Variants in RBFOX1 observed in about 807,000 individuals in gnomAD.
The protein encoded by RBFOX1 is RNA binding protein fox-1 homolog 1.
Under a neutral mutation model 57.7 loss-of-function variants are expected in RBFOX1, and 8 were observed. The ratio of observed to expected loss-of-function variants is 0.14; its 90% CI spans 0.08 to 0.25. The LOEUF (loss-of-function observed/expected upper bound fraction) is 0.25, where lower values mean the gene tolerates loss of function less well. Among genes scored for constraint, RBFOX1 ranks in the 10% least tolerant of loss-of-function variants. The pLI, the probability that RBFOX1 is intolerant of heterozygous loss-of-function variation, is 1.00. For missense variants in RBFOX1, 611 were observed against 548.5 expected (o/e 1.11, Z -1.14); for synonymous variants, 326 against 222.4 (o/e 1.47, Z -4.15).
At chr16:6,881,477 T>C (rs780759717) in intron 3 of RBFOX1, among the ~76,000 whole-genome samples, 6 of 152,094 alleles carry the variant, frequency 3.9e-5, no homozygotes, top group Non-Finnish European at 7.4e-5. Flanking sequence ...CCGTGGCTTG[T>C]AGAGGGTCAG....
intron 3 of RBFOX1, among the ~76,000 whole-genome samples, chr16:5,818,265 C>G (rs6500727): frequency 0.67 from 102,521 of 151,994 alleles, 34,774 homozygotes; most frequent in South Asian, 0.7. Flanking sequence ...GCATATGAGG[C>G]AATGGACTGA....
chr16:6,492,677 G>T (rs1187600849), intron 2 of RBFOX1, among the ~76,000 whole-genome samples: 1 of 152,184 alleles, frequency 6.6e-6, no homozygotes, highest in Non-Finnish European at 1.5e-5. Context: ...ATGCAGCTTG[G>T]TTCACTGCCG....
chr16:6,356,788 G>A (rs920448035), intron 2 of RBFOX1, among the ~76,000 whole-genome samples: 3 of 152,098 alleles, frequency 2.0e-5, no homozygotes, highest in African/African-American at 7.2e-5. Flanking sequence ...TGTCAATATC[G>A]GTTTATTAAT....
At chr16:5,977,506 C>T (rs770656747) in intron 4 of RBFOX1, among the ~76,000 whole-genome samples, 114 of 152,186 alleles carry the variant, frequency 7.5e-4, no homozygotes, top group Non-Finnish European at 8.5e-4. Flanking sequence ...CCAAGTCGCT[C>T]TGGAGAGAGC....
intron 3 of RBFOX1, among the ~76,000 whole-genome samples, chr16:7,008,036 AT>A (rs1260179821): frequency 3.9e-5 from 6 of 152,184 alleles, no homozygotes; most frequent in Non-Finnish European, 8.8e-5. Flanking sequence ...CCAACTTAGC[AT>A]TATCTATATT....
chr16:6,973,082 G>C (rs559695883), intron 3 of RBFOX1, among the ~76,000 whole-genome samples: 18 of 151,868 alleles, frequency 1.2e-4, no homozygotes, highest in Non-Finnish European at 2.1e-4. Context: ...AGTGAGCTGA[G>C]ATTGCACTAC....
At chr16:7,456,339 G>A (rs182503171) in intron 4 of RBFOX1, among the ~76,000 whole-genome samples, 51 of 152,266 alleles carry the variant, frequency 3.3e-4, no homozygotes, top group Non-Finnish European at 1.5e-5. Context: ...ATTGTGAAGT[G>A]AATCACCTTT....
At chr16:6,420,987 G>A (rs1355898251) in intron 2 of RBFOX1, among the ~76,000 whole-genome samples, 1 of 152,286 alleles carries the variant, frequency 6.6e-6, no homozygotes, top group Middle Eastern at 3.4e-3. Context: ...TTGTTGCAGC[G>A]TGAACATCTC....
intron 3 of RBFOX1, among the ~76,000 whole-genome samples, chr16:6,962,438 T>TTACATATA (rs1447384411): frequency 6.6e-6 from 1 of 152,164 alleles, no homozygotes; most frequent in Non-Finnish European, 1.5e-5. Flanking sequence ...ACTTTTTCTG[T>TTACATATA]TACATATATG....
intron 3 of RBFOX1, among the ~76,000 whole-genome samples, chr16:6,921,837 A>G (rs2074526795): frequency 6.6e-6 from 1 of 152,050 alleles, no homozygotes; most frequent in Non-Finnish European, 1.5e-5. Flanking sequence ...CTTCTGCTGC[A>G]TTCTGTTGGT....
chr16:7,390,047 C>T (rs74436427), intron 4 of RBFOX1, among the ~76,000 whole-genome samples: 2,253 of 152,086 alleles, frequency 0.015, 59 homozygotes, highest in African/African-American at 0.051. Context: ...AAGGTGAAAA[C>T]GAAGCAAGCA....
chr16:6,146,411 T>C (rs1252113746), intron 1 of RBFOX1, among the ~76,000 whole-genome samples: 4 of 152,244 alleles, frequency 2.6e-5, no homozygotes, highest in East Asian at 1.9e-4. Flanking sequence ...CTATTGACAT[T>C]TGGGGCTAGA....
chr16:6,819,843 C>A (rs973204100), intron 3 of RBFOX1, among the ~76,000 whole-genome samples: 3 of 151,970 alleles, frequency 2.0e-5, no homozygotes, highest in African/African-American at 7.3e-5. Flanking sequence ...TTGAATCCAG[C>A]CCTCTGATTC....
At chr16:7,315,459 C>G (rs112715149) in intron 4 of RBFOX1, among the ~76,000 whole-genome samples, 2,562 of 147,666 alleles carry the variant, frequency 0.017, 72 homozygotes, top group African/African-American at 0.053. Context: ...CTACCCTACC[C>G]CCCCCCCCAT....
intron 3 of RBFOX1, among the ~76,000 whole-genome samples, chr16:5,619,743 C>G (rs779561950): frequency 6.6e-6 from 1 of 152,120 alleles, no homozygotes; most frequent in African/African-American, 2.4e-5. Flanking sequence ...ATGGTGAGAC[C>G]TGAGTAAGCT....
In RBFOX1 at chr16:7,084,843, C is replaced by T. The variant is rs576489272; in HGVS notation, c.27+32745C>T. 9.2e-5 allele frequency among the ~76,000 whole-genome samples: 14 copies of T among 152,220 alleles called. 1 individual carries two copies. The South Asian group carries it at 2.7e-3, about 29-fold the overall frequency. ...GTCTGTATCTGGCAATCTTGTCTGT[C>T]TGTCTGTCTTTCTGTCTATCTATCT... On this transcript the variant is annotated intron_variant, in intron 4 of 15. Coordinates refer to ENST00000550418, the MANE Select transcript of RBFOX1 (RefSeq NM_018723.4).
intron 2 of RBFOX1, among the ~76,000 whole-genome samples, chr16:5,501,304 C>T (rs1238532081): frequency 9.8e-5 from 10 of 102,168 alleles, no homozygotes; most frequent in African/African-American, 3.1e-4. Flanking sequence ...GATGACAAAA[C>T]GAGACTCTGT....
intron 4 of RBFOX1, chr16:7,304,402 A>C (rs1196800767): frequency 1.0e-6 from 1 of 985,228 alleles, no homozygotes; most frequent in Non-Finnish European, 1.2e-6. Flanking sequence ...GCATCCTCTG[A>C]CGGGGGCCAC....
At chr16:5,346,084 C>T (rs2065133438) in intron 1 of RBFOX1, among the ~76,000 whole-genome samples, 1 of 152,204 alleles carries the variant, frequency 6.6e-6, no homozygotes, top group Non-Finnish European at 1.5e-5. Context: ...AGCCCACTAC[C>T]TGGTGAAGGA....
Sources: gnomAD v4.1 joint callset for allele counts (sites outside exome capture counted in the v4.1 genomes callset) on GRCh38, gnomAD v4.1.1 for gene constraint, MANE v1.5 for transcripts, NCBI Gene and HGNC (gene_info 2026-07-23, HGNC 2026-07-21) for gene names.